Variants in BAG6 observed in about 807,000 individuals in gnomAD.
BAG6 encodes BAG cochaperone 6.
BAG6 carries 22 observed loss-of-function variants against 121.0 expected under a neutral mutation model. The ratio of observed to expected loss-of-function variants is 0.18; its 90% confidence interval spans 0.13 to 0.26. The LOEUF (loss-of-function observed/expected upper bound fraction) is 0.26, where lower values mean the gene tolerates loss of function less well. Among genes scored for constraint, BAG6 ranks in the 10% least tolerant of loss-of-function variants. The pLI is 1.00. For synonymous variants in BAG6, 583 were observed against 584.6 expected (o/e 1.00, Z 0.04); for missense variants, 1,233 against 1,537.7 (o/e 0.80, Z 3.31).
At position 31,643,135 on chromosome 6, in the gene BAG6, G is replaced by C. The variant is rs1172890308; in HGVS notation, c.1757-20C>G. The C allele has an allele frequency of 2.6e-6, 4 of 1,539,992 alleles. No individual in the cohort carries two copies. In the Admixed American group the frequency reaches 8.6e-5, roughly 33 times the overall value. On this transcript the variant is annotated intron_variant, in intron 14 of 25. Coordinates refer to ENST00000676615, the MANE Select transcript of BAG6 (RefSeq NM_001387994.1). ...CCTGAGCTGTAAGAAACCAAAAAAA[G>C]AAAGCTGGGCTGAGCATGGTGGCTC...
chr6:31,647,445 C>T, intron 7 of BAG6, 146 bp downstream of exon 7: 4 of 1,205,364 alleles, frequency 3.3e-6, no homozygotes, highest in Non-Finnish European at 4.6e-6. Context: ...TTACCTATAC[C>T]GAGAGAGCCC....
In BAG6 at chr6:31,644,801, A is replaced by C; in HGVS notation, c.1369+145T>G. On this transcript the variant is annotated intron_variant, in intron 10 of 25. Transcript: ENST00000676615. The surrounding 1 kb of genome is among the most constrained non-coding windows in gnomAD (Gnocchi z 4.9). Reference sequence around the variant, plus strand: ...ACAAACCAACCCCCACACCCCCCACATCTGTCTACTTAAGCTTCTGCTCTG... The same window carrying C: ...ACAAACCAACCCCCACACCCCCCACCTCTGTCTACTTAAGCTTCTGCTCTG... The C allele has an allele frequency of 3.7e-6, 5 of 1,362,764 alleles. No individual in the cohort carries two copies. The highest frequency in any genetic ancestry group is 4.1e-6 in the Non-Finnish European group (4 of 987,054). 84.4% of individuals were successfully genotyped at this position (1,362,764 alleles called of 1,614,324 possible).
At chr6:31,647,052 C>A (rs1437223710) in intron 7 of BAG6, among the ~76,000 whole-genome samples, 1 of 152,158 alleles carries the variant, frequency 6.6e-6, no homozygotes, top group Non-Finnish European at 1.5e-5. Context: ...GGATTACAGG[C>A]GTGAGCCACT....
Position 31,648,897 on chromosome 6 carries a change from A to G in BAG6, c.477+14T>C. 2 of 1,544,672 alleles carry G rather than the reference A, an allele frequency of 1.3e-6. No individual in the cohort carries two copies. The highest frequency in any genetic ancestry group is 2.5e-5 in the South Asian group (2 of 79,536). On this transcript the variant is annotated intron_variant, in intron 5 of 25. Transcript: ENST00000676615. ...CCAGATCCCCTTCCCTGACCCTCGG[A>G]GGCCCCTCAATACCTGAATCGGGGC...
intron 1 of BAG6, 99 bp from the exon 2 acceptor site, chr6:31,651,875 T>A (rs805299): frequency 0.3 from 236,597 of 799,944 alleles, 38,882 homozygotes; most frequent in Middle Eastern, 0.42. Context: ...CCTAAAAAGT[T>A]TCTCCTGCAC....
chr6:31,647,007 T>A (rs1790439783), intron 7 of BAG6, among the ~76,000 whole-genome samples: 1 of 151,992 alleles, frequency 6.6e-6, no homozygotes, highest in African/African-American at 2.4e-5. Flanking sequence ...TCTCTTGACC[T>A]CATGATCCAC....
chr6:31,642,552 T>G, intron 15 of BAG6, 149 bp from the exon 16 acceptor site: 1 of 631,304 alleles, frequency 1.6e-6, no homozygotes, highest in Non-Finnish European at 2.7e-6. Context: ...AGAAGTATGG[T>G]AGGTATTTAA....
At position 31,640,115 on chromosome 6, in the gene BAG6, T is replaced by C. The variant is rs1781120591; in HGVS notation, c.3246+84A>G. On this transcript the variant is annotated intron_variant, in intron 24 of 25. Transcript: ENST00000676615. This position sits in a 1 kb window ranked among gnomAD's most constrained non-coding sequence, Gnocchi z 4.2. Reference sequence around the variant, plus strand: ...GGAGGGGAGACTGAATAACAAGAGCTCCCACCATCTCTACATAGTTTGATT... The same window carrying C: ...GGAGGGGAGACTGAATAACAAGAGCCCCCACCATCTCTACATAGTTTGATT... The C allele has an allele frequency of 5.1e-6, 7 of 1,363,656 alleles. No homozygotes were observed. The highest frequency in any genetic ancestry group is 1.9e-5 in the Admixed American group (1 of 53,056). The allele number at this position is 1,363,656 out of a possible 1,614,324, so 84.5% of individuals were successfully genotyped here.
intron 8 of BAG6, 80 bp from the exon 9 acceptor site, chr6:31,645,684 A>C: frequency 5.3e-6 from 8 of 1,511,828 alleles, no homozygotes; most frequent in Non-Finnish European, 7.2e-6. Flanking sequence ...AATAATGCCT[A>C]CTGAGAATAC....
chr6:31,643,961 C>T lies in BAG6; in HGVS notation c.1685G>A (p.Gly562Asp), dbSNP rs769842205. 7 of 1,613,888 alleles carry T rather than the reference C, an allele frequency of 4.3e-6. No homozygotes were observed. Among genetic ancestry groups the T allele is most frequent in the East Asian group, 4.5e-5 (2 of 44,902 alleles). Residue 562 changes from glycine to aspartate, a missense_variant, in exon 14 of 26, where the codon GGT becomes GAT. Coordinates refer to ENST00000676615, the MANE Select transcript of BAG6 (RefSeq NM_001387994.1). The stretch of plus-strand genomic sequence containing the variant: ...CATCTGGGCCAACGAGGCATTGGTA[C>T]CCAGACCGGCGCCCTGCTGGATAGA... ...VSGTLQGAGL[G>D]TNASLAQMVS...
rs567394244 is a variant in BAG6, at chr6:31,646,016, C to T, written c.918+378G>A. Among the ~76,000 whole-genome samples the T allele has an allele frequency of 2.0e-5, 3 of 152,254 alleles. No homozygotes were observed. In the South Asian group the frequency reaches 6.2e-4, roughly 32 times the overall value. On this transcript the variant is annotated intron_variant, in intron 8 of 25. Coordinates refer to ENST00000676615, the MANE Select transcript of BAG6 (RefSeq NM_001387994.1). ...TTTGTTTTGTTTTTTGAGACAGTCT[C>T]GCTCTGTCACCCAGGCTAGAGTGCA...
At chr6:31,649,729 G>T in intron 2 of BAG6, 102 bp from the exon 3 acceptor site, 2 of 920,880 alleles carry the variant, frequency 2.2e-6, no homozygotes, top group Non-Finnish European at 3.5e-6. Flanking sequence ...AACCACCACA[G>T]AATCACTACC....
chr6:31,648,016 A>AT (rs9281542), intron 6 of BAG6, 190 bp from the exon 7 acceptor site: 52,364 of 274,498 alleles, frequency 0.19, 2,524 homozygotes, highest in African/African-American at 0.21. Flanking sequence ...AGCATCTGTA[A>AT]TTTTTTTTTT....
intron 7 of BAG6, 68 bp from the exon 8 acceptor site, chr6:31,646,591 GACC>G: frequency 1.3e-6 from 2 of 1,577,114 alleles, no homozygotes; most frequent in Non-Finnish European, 1.7e-6. Context: ...AGTCAACAGG[GACC>G]ACATGTGCCC....
In BAG6 at chr6:31,640,254, G is replaced by C; in HGVS notation, c.3191C>G (p.Pro1064Arg). The change falls in exon 24 of 26, where the codon CCG becomes CGG. Residue 1064 changes from proline (P) to arginine (R), a missense_variant. By Grantham distance (103) the Pro-to-Arg change is moderately radical. Around this residue, in one of 7 missense-constraint regions of BAG6, gnomAD observed 288 missense variants for 483.1 expected, o/e 0.60. Coordinates refer to ENST00000676615, the MANE Select transcript of BAG6 (RefSeq NM_001387994.1). The surrounding 1 kb of genome is among the most constrained non-coding windows in gnomAD (Gnocchi z 4.2). ...GTAGGCATCACTCAGAGGGGGCTGC[G>C]GTTTCACCTTCCGCTGGCTCTGAAT... ...QDIQSQRKVK[P>R]QPPLSDAYLS... The C allele has an allele frequency of 6.2e-7, 1 of 1,614,212 alleles. No individual in the cohort carries two copies. Among genetic ancestry groups the C allele is most frequent in the Non-Finnish European group, 8.5e-7 (1 of 1,180,036 alleles).
chr6:31,642,040 C>T, intron 16 of BAG6, 72 bp downstream of exon 16: 1 of 1,594,398 alleles, frequency 6.3e-7, no homozygotes. Flanking sequence ...TGGCAACACC[C>T]CTAAACCAAG....
intron 9 of BAG6, 22 bp from the exon 10 acceptor site, chr6:31,645,220 G>A (rs1178146378): frequency 6.2e-7 from 1 of 1,602,016 alleles, no homozygotes; most frequent in African/African-American, 1.3e-5. Flanking sequence ...AGATGGACAG[G>A]CAGATGTGAG....
At chr6:31,651,829 C>T (rs1237259563) in intron 1 of BAG6, 53 bp from the exon 2 acceptor site, 1 of 1,336,376 alleles carries the variant, frequency 7.5e-7, no homozygotes, top group African/African-American at 1.4e-5. Flanking sequence ...CAGAGTGTAC[C>T]CGAAAGACTC....
intron 2 of BAG6, among the ~76,000 whole-genome samples, chr6:31,650,162 A>G (rs1794751968): frequency 6.6e-6 from 1 of 151,988 alleles, no homozygotes; most frequent in Non-Finnish European, 1.5e-5. Context: ...AATAACACGG[A>G]TGAAAAACAA....
Sources: allele counts gnomAD v4.1 joint callset (sites outside exome capture counted in the v4.1 genomes callset), GRCh38; gene constraint gnomAD v4.1.1; regional missense constraint gnomAD v4.1.1; non-coding constraint Gnocchi (gnomAD v3.1); transcripts MANE v1.5; gene names NCBI Gene and HGNC (gene_info 2026-07-23, HGNC 2026-07-21).